The following MXRA8 variants were observed in gnomAD, a reference collection of about 807,000 sequenced individuals.
The protein encoded by MXRA8 is matrix remodeling-associated protein 8.
A neutral mutation model predicts 51.4 loss-of-function variants in MXRA8; 44 were observed. The observed-to-expected ratio is 0.86, with a 90% CI of 0.67 to 1.10. The LOEUF is 1.10. MXRA8 is among the 50% of genes least tolerant of loss of function. The pLI, the probability that MXRA8 is intolerant of heterozygous loss-of-function variation, is 0.00. For missense variants in MXRA8, 765 were observed against 638.9 expected (o/e 1.20, Z -2.13); for synonymous variants, 369 against 293.5 (o/e 1.26, Z -2.63).
chr1:1,355,310 TG>T lies in MXRA8; in HGVS notation c.411del (p.Cys137Ter). 1 of 1,580,562 alleles carries T rather than the reference TG, an allele frequency of 6.3e-7. No homozygotes were observed. Among genetic ancestry groups the T allele is most frequent in the Admixed American group, 1.8e-5 (1 of 56,784 alleles). On this transcript the variant is annotated frameshift_variant, in exon 4 of 10. Coordinates refer to ENST00000309212, the MANE Select transcript of MXRA8 (RefSeq NM_032348.4). LOFTEE classifies it high-confidence loss of function. ...VEETDAGLYT[C>X]NLHHHYCHLY... ...AGGTGGCAGTAGTGATGGTGCAGGT[TG>T]CAGGTGTACAGCCCCGCGTCCGTCT...
Position 1,353,688 on chromosome 1 carries a change from GAC to G in MXRA8, c.1304-61_1304-60del, listed in dbSNP as rs1019492290. Reference sequence around the variant, plus strand: ...GTCCTCCACCCTCATCACAGTGGGAGACACAGGGCAGACCCCCCCGCAGGACT... The same window carrying G: ...GTCCTCCACCCTCATCACAGTGGGAGACAGGGCAGACCCCCCCGCAGGACT... On this transcript the variant is annotated intron_variant, in intron 9 of 9. Transcript: ENST00000309212. 7 of 1,528,404 alleles carry G rather than the reference GAC, an allele frequency of 4.6e-6. No individual in the cohort carries two copies. The Admixed American group carries it at 5.9e-5, about 13-fold the overall frequency. 94.7% of individuals were successfully genotyped at this position (1,528,404 alleles called of 1,614,324 possible).
chr1:1,354,730 G>T lies in MXRA8; in HGVS notation c.901C>A (p.Arg301=), dbSNP rs762056403. 4 of 1,605,820 alleles carry T rather than the reference G, an allele frequency of 2.5e-6. No homozygotes were observed. The highest frequency in any genetic ancestry group is 3.4e-5 in the Admixed American group (2 of 59,368). ...VAEPHAEPPP[R]GSPGNGSSHS... is the part of the protein sequence containing the mutation. ...CTGGAGCCGTTGCCCGGAGAGCCCCGGGGGGGCGGCTCCGCGTGGGGTTCG... is the reference window on the plus strand; with the variant it reads ...CTGGAGCCGTTGCCCGGAGAGCCCCTGGGGGGCGGCTCCGCGTGGGGTTCG... The change falls in exon 5 of 10, where the codon CGG becomes AGG. Residue 301 remains arginine, a synonymous_variant. Coordinates refer to ENST00000309212, the MANE Select transcript of MXRA8 (RefSeq NM_032348.4).
At chr1:1,362,149 G>A (rs1314959083), upstream of MXRA8, among the ~76,000 whole-genome samples, 2 of 152,090 alleles carry the variant, frequency 1.3e-5, no homozygotes, top group Non-Finnish European at 2.9e-5. Flanking sequence ...CTGCAGCCCC[G>A]AGGAGGCAGG....
At chr1:1,362,780 CA>C (rs70949575), upstream of MXRA8, among the ~76,000 whole-genome samples, 5,453 of 139,556 alleles carry the variant, frequency 0.039, 100 homozygotes, top group African/African-American at 0.085. Flanking sequence ...GACTCCATCT[CA>C]AAAAAAAAAA....
Position 1,354,780 on chromosome 1 carries a change from C to T in MXRA8, c.851G>A (p.Arg284His), listed in dbSNP as rs1365165123. 10 of 1,611,890 alleles carry T rather than the reference C, an allele frequency of 6.2e-6. No individual in the cohort carries two copies. The highest frequency in any genetic ancestry group is 8.5e-6 in the Non-Finnish European group (10 of 1,179,622). Reference protein sequence around the residue: ...LHHHYCGLHERRVFHLTVAEP... With the variant: ...LHHHYCGLHEHRVFHLTVAEP... ...GGCGACCGTCAGGTGGAAGACGCGG[C>T]GTTCGTGCAGGCCACAGTAATGGTG... is the stretch of plus-strand genomic sequence containing the variant. Residue 284 changes from arginine (R) to histidine (H), a missense_variant, in exon 5 of 10, where the codon CGC becomes CAC. Transcript: ENST00000309212.
rs1644028948 is a variant in MXRA8 at position 1,352,776 on chromosome 1, C to T, written c.*828G>A. The T allele has an allele frequency of 5.8e-6, 1 of 173,764 alleles. No homozygotes were observed. The highest frequency in any genetic ancestry group is 6.4e-5 in the Admixed American group (1 of 15,566). The allele number at this position is 173,764 out of a possible 1,614,324, so 10.8% of individuals were successfully genotyped here. Reference sequence around the variant, plus strand: ...GGGTGCTGAGAGTGGCAACACAGGCCACCCCAAACCAACTTCACTCCCTCC... The same window carrying T: ...GGGTGCTGAGAGTGGCAACACAGGCTACCCCAAACCAACTTCACTCCCTCC... On this transcript the variant is annotated 3_prime_UTR_variant, in exon 10 of 10. Transcript: ENST00000309212.
chr1:1,361,748 C>T (rs1346685683), upstream of MXRA8: 3 of 173,200 alleles, frequency 1.7e-5, no homozygotes, highest in South Asian at 1.3e-4. Context: ...GAGTTTCTCC[C>T]CTCTAAGAGG....
At chr1:1,362,833 C>T (rs1355369316), upstream of MXRA8, among the ~76,000 whole-genome samples, 7 of 149,384 alleles carry the variant, frequency 4.7e-5, no homozygotes, top group African/African-American at 1.2e-4. Context: ...TCGGTAATCC[C>T]AGCACCTTGG....
In MXRA8 at chr1:1,356,808, C is replaced by T. The variant is rs528292188; in HGVS notation, c.50-104G>A. The T allele has an allele frequency of 1.4e-5, 14 of 1,003,256 alleles. No individual in the cohort carries two copies. In the South Asian group the frequency reaches 4.2e-4, roughly 30 times the overall value. 62.1% of individuals were successfully genotyped at this position (1,003,256 alleles called of 1,614,324 possible). On this transcript the variant is annotated intron_variant, in intron 1 of 9. Transcript: ENST00000309212. The stretch of plus-strand genomic sequence containing the variant: ...CCCTCCTGTAGTCCCAAAGTGGATG[C>T]TGTGACACCCACTTCAGTGCAGGGA...
Position 1,358,440 on chromosome 1 carries a change from A to G in MXRA8, c.49+16T>C, listed in dbSNP as rs1296373031. On this transcript the variant is annotated intron_variant, in intron 1 of 9. Transcript: ENST00000309212. ...ACGTGCCACCCCCCACCCGCCTCCC[A>G]GGGCCCCACACTCACTCTGCAGAAG... 2 of 1,116,058 alleles carry G rather than the reference A, an allele frequency of 1.8e-6. No individual in the cohort carries two copies. Among genetic ancestry groups the G allele is most frequent in the Admixed American group, 3.9e-5 (2 of 51,606 alleles). The allele number at this position is 1,116,058 out of a possible 1,614,324, so 69.1% of individuals were successfully genotyped here.
upstream of MXRA8, among the ~76,000 whole-genome samples, chr1:1,360,507 T>TGGGGGGGGGGGGGGGGGGGGGGGC (rs75605518): frequency 6.8e-6 from 1 of 147,814 alleles, no homozygotes. Context: ...CGCTGGGGGG[T>TGGGGGGGGGGGGGGGGGGGGGGGC]GGTCTGCAGA....
chr1:1,354,986 C>T lies in MXRA8; in HGVS notation c.645G>A (p.Pro215=), dbSNP rs1644091509. The change falls in exon 5 of 10, where the codon CCG becomes CCA. Residue 215 remains proline, a synonymous_variant. Transcript: ENST00000309212. ...VHWDRQPPGV[P]HDRADRLLDL... ...CCAGCAGGCGGTCCGCGCGGTCGTG[C>T]GGGACCCCGGGCGGCTGCCGGTCCC... The T allele has an allele frequency of 1.9e-6, 3 of 1,596,576 alleles. No homozygotes were observed. Among genetic ancestry groups the T allele is most frequent in the African/African-American group, 2.7e-5 (2 of 74,534 alleles).
In MXRA8 at chr1:1,354,686, G is replaced by C. The variant is rs533557025; in HGVS notation, c.945C>G (p.Gly315=). The C allele has an allele frequency of 1.2e-3, 1,873 of 1,576,422 alleles. 6 individuals are homozygous for C. The highest frequency in any genetic ancestry group is 1.5e-3 in the Non-Finnish European group (1,717 of 1,162,434). The stretch of plus-strand genomic sequence containing the variant: ...TCCCAGGGAGGCCTCCTTCACCTGG[G>C]CCTGGGGCGCCGCTGTGGCTGGAGC... ...GNGSSHSGAP[G]PDPTLARGHN... Residue 315 remains glycine, a synonymous_variant, in exon 5 of 10, where the codon GGC becomes GGG. Transcript: ENST00000309212.
At chr1:1,354,141 G>A in intron 7 of MXRA8, 35 bp from the exon 8 acceptor site, 1 of 1,612,822 alleles carries the variant, frequency 6.2e-7, no homozygotes, top group South Asian at 1.1e-5. Flanking sequence ...TTACAGCTGG[G>A]TGGGGTGAAG....
In MXRA8 at chr1:1,354,229, T is replaced by A. The variant is rs751103740; in HGVS notation, c.1109A>T (p.Tyr370Phe). 4 of 1,612,226 alleles carry A rather than the reference T, an allele frequency of 2.5e-6. No individual in the cohort carries two copies. The African/African-American group carries it at 4.0e-5, about 16-fold the overall frequency. The change falls in exon 7 of 10, where the codon TAC (tyrosine) becomes TTC (phenylalanine). Residue 370 changes from tyrosine (Y) to phenylalanine (F), a missense_variant. Transcript: ENST00000309212. ...LLAARRRRGG[Y>F]EYSDQKSGKS... ...TCCCGACTTCTGGTCCGAGTATTCG[T>A]AGCCTGGGAAGGAGACTCACATTGG...
At chr1:1,355,381 C>A in intron 3 of MXRA8, 36 bp from the exon 4 acceptor site, 1 of 1,545,414 alleles carries the variant, frequency 6.5e-7, no homozygotes, top group Non-Finnish European at 8.7e-7. Flanking sequence ...GTGAGCCTTG[C>A]GGTGCCCCCG....
chr1:1,359,067 T>A (rs1415156852), upstream of MXRA8: 3 of 985,342 alleles, frequency 3.0e-6, no homozygotes. Flanking sequence ...ATGACCTTGG[T>A]ACCCGTCTCC....
At position 1,356,687 on chromosome 1, in the gene MXRA8, G is replaced by T. The variant is rs543033992; in HGVS notation, c.67C>A (p.His23Asn). ...TGGGGCTGGGGTCACTAACCTGAGT[G>T]CAGGAGAACAGCAGAGCCTGGAAGG... ...VLLQSSAVLL[H>N]SGSSVPAAAG... Residue 23 changes from histidine to asparagine, a missense_variant, in exon 2 of 10, where the codon CAC (histidine) becomes AAC (asparagine). Coordinates refer to ENST00000309212, the MANE Select transcript of MXRA8 (RefSeq NM_032348.4). 1.4e-6 allele frequency: 2 copies of T among 1,427,858 alleles called. No homozygotes were observed. The highest frequency in any genetic ancestry group is 3.1e-5 in the South Asian group (2 of 63,698). 88.4% of individuals were successfully genotyped at this position (1,427,858 alleles called of 1,614,324 possible).
upstream of MXRA8, among the ~76,000 whole-genome samples, chr1:1,359,771 C>T (rs1006489330): frequency 1.3e-5 from 2 of 152,240 alleles, no homozygotes; most frequent in Admixed American, 6.5e-5. Context: ...CTGGCCCGGG[C>T]GGCGACCTTT....
Sources: allele counts gnomAD v4.1 joint callset (sites outside exome capture counted in the v4.1 genomes callset), GRCh38; gene constraint gnomAD v4.1.1; transcripts MANE v1.5; gene names NCBI Gene and HGNC (gene_info 2026-07-23, HGNC 2026-07-21).